RBFOX1: variants seen among roughly 807,000 people sequenced by gnomAD.
RBFOX1 encodes RNA binding protein fox-1 homolog 1.
RBFOX1 carries 8 observed loss-of-function variants against 57.7 expected under a neutral mutation model. That is an observed-to-expected ratio of 0.14 (90% CI 0.08 to 0.25). The LOEUF is 0.25. Among genes scored for constraint, RBFOX1 ranks in the 10% least tolerant of loss-of-function variants. The pLI is 1.00. For synonymous variants in RBFOX1, 326 were observed against 222.4 expected, an observed-to-expected ratio of 1.47 and a Z score of -4.15; for missense variants, 611 against 548.5, an observed-to-expected ratio of 1.11 and a Z score of -1.14.
intron 4 of RBFOX1, among the ~76,000 whole-genome samples, chr16:7,333,962 C>G (rs542760138): frequency 6.6e-6 from 1 of 152,132 alleles, no homozygotes; most frequent in Non-Finnish European, 1.5e-5. Flanking sequence ...TTCTGTATCT[C>G]CTTTCTACAG....
chr16:7,270,044 C>G (rs2095279511), intron 4 of RBFOX1, among the ~76,000 whole-genome samples: 1 of 152,168 alleles, frequency 6.6e-6, no homozygotes. Context: ...ATGCTCTTAA[C>G]ACAATGTGAA....
At chr16:7,303,571 C>G (rs867345396) in intron 4 of RBFOX1, among the ~76,000 whole-genome samples, 5 of 146,612 alleles carry the variant, frequency 3.4e-5, no homozygotes, top group Non-Finnish European at 6.0e-5. Context: ...TTGAAACAAA[C>G]AAAAAAAATA....
chr16:6,528,435 CCTTGA>C (rs2096612018), intron 2 of RBFOX1, among the ~76,000 whole-genome samples: 1 of 152,130 alleles, frequency 6.6e-6, no homozygotes, highest in African/African-American at 2.4e-5. Context: ...TAAAACATGA[CCTTGA>C]CTTTCTCCTG....
At chr16:5,807,921 G>A (rs529302761) in intron 3 of RBFOX1, among the ~76,000 whole-genome samples, 1 of 152,278 alleles carries the variant, frequency 6.6e-6, no homozygotes, top group East Asian at 1.9e-4. Context: ...ACCCCAGACA[G>A]AACCACCATA....
At chr16:7,437,508 C>G (rs955621191) in intron 4 of RBFOX1, among the ~76,000 whole-genome samples, 1 of 152,090 alleles carries the variant, frequency 6.6e-6, no homozygotes, top group South Asian at 2.1e-4. Flanking sequence ...CTAATTAGAG[C>G]CAAGCTGCAG....
intron 3 of RBFOX1, among the ~76,000 whole-genome samples, chr16:7,005,500 G>A (rs2093218235): frequency 6.6e-6 from 1 of 152,200 alleles, no homozygotes; most frequent in African/African-American, 2.4e-5. Flanking sequence ...GTAATGGCAG[G>A]TGAACGAGAA....
At chr16:6,376,147 T>C (rs1323608505) in intron 2 of RBFOX1, among the ~76,000 whole-genome samples, 1 of 152,204 alleles carries the variant, frequency 6.6e-6, no homozygotes. Flanking sequence ...GGAAATTTCA[T>C]ATCAATATCT....
intron 2 of RBFOX1, among the ~76,000 whole-genome samples, chr16:6,491,663 T>G (rs753194453): frequency 6.6e-6 from 1 of 152,190 alleles, no homozygotes; most frequent in Non-Finnish European, 1.5e-5. Context: ...GCCTGAATAT[T>G]TCCAGCAGCC....
intron 4 of RBFOX1, among the ~76,000 whole-genome samples, chr16:7,402,265 C>T (rs1197242371): frequency 6.6e-6 from 1 of 152,136 alleles, no homozygotes; most frequent in Non-Finnish European, 1.5e-5. Flanking sequence ...GTTATTCAGT[C>T]CCGGACGTTG....
intron 3 of RBFOX1, among the ~76,000 whole-genome samples, chr16:6,843,763 A>G (rs907015231): frequency 1.3e-5 from 2 of 152,206 alleles, no homozygotes; most frequent in Non-Finnish European, 2.9e-5. Flanking sequence ...TAGTAGATTT[A>G]GGAACGTATC....
chr16:5,975,814 T>A (rs1305498301), intron 4 of RBFOX1, among the ~76,000 whole-genome samples: 1 of 152,196 alleles, frequency 6.6e-6, no homozygotes, highest in Non-Finnish European at 1.5e-5. Context: ...TGGCTAGCGC[T>A]CGACATATAG....
At chr16:6,527,705 C>G (rs1316990888) in intron 2 of RBFOX1, among the ~76,000 whole-genome samples, 1 of 152,128 alleles carries the variant, frequency 6.6e-6, no homozygotes, top group Non-Finnish European at 1.5e-5. Flanking sequence ...GTTTATCCTC[C>G]TGAGTCAGAG....
chr16:5,894,835 C>T (rs1048084141), intron 4 of RBFOX1, among the ~76,000 whole-genome samples: 2 of 152,014 alleles, frequency 1.3e-5, no homozygotes, highest in Non-Finnish European at 2.9e-5. Flanking sequence ...TCTTGGCTAA[C>T]ACGGTGAAAC....
At chr16:6,666,859 G>C (rs2098736219) in intron 3 of RBFOX1, among the ~76,000 whole-genome samples, 1 of 152,022 alleles carries the variant, frequency 6.6e-6, no homozygotes, top group Non-Finnish European at 1.5e-5. Flanking sequence ...CTCAGCCTAA[G>C]GTATTATCTC....
chr16:6,267,381 C>G (rs750778806), intron 1 of RBFOX1, among the ~76,000 whole-genome samples: 1 of 152,204 alleles, frequency 6.6e-6, no homozygotes, highest in Admixed American at 6.5e-5. Flanking sequence ...ATTTCACTAT[C>G]TCCTATGTGT....
At chr16:6,491,109 T>C (rs1294958655) in intron 2 of RBFOX1, among the ~76,000 whole-genome samples, 1 of 152,108 alleles carries the variant, frequency 6.6e-6, no homozygotes, top group Non-Finnish European at 1.5e-5. Context: ...CGTGTATATA[T>C]AGTTATATCT....
intron 1 of RBFOX1, among the ~76,000 whole-genome samples, chr16:5,381,757 C>G (rs780721138): frequency 6.6e-6 from 1 of 152,246 alleles, no homozygotes. Flanking sequence ...CTCTCAACAA[C>G]TCTGGAAGTT....
intron 10 of RBFOX1, among the ~76,000 whole-genome samples, chr16:7,608,533 G>C (rs113372982): frequency 7.9e-5 from 12 of 152,152 alleles, no homozygotes; most frequent in Non-Finnish European, 1.5e-4. Context: ...AGACTTAGCC[G>C]TCAGGCTTTC....
At chr16:7,391,913 C>G (rs2098032931) in intron 4 of RBFOX1, among the ~76,000 whole-genome samples, 1 of 152,200 alleles carries the variant, frequency 6.6e-6, no homozygotes, top group East Asian at 1.9e-4. Flanking sequence ...AGGATATCAA[C>G]TTGCGTTAGT....
Sources: gnomAD v4.1 joint callset for allele counts (sites outside exome capture counted in the v4.1 genomes callset) on GRCh38, gnomAD v4.1.1 for gene constraint, MANE v1.5 for transcripts, NCBI Gene and HGNC (gene_info 2026-07-23, HGNC 2026-07-21) for gene names.